The following LPP variants were observed in gnomAD, a reference collection of about 807,000 sequenced individuals.
LPP encodes the protein lipoma-preferred partner.
In LPP, 38 loss-of-function variants were observed where a neutral mutation model predicts 60.4. That is an observed-to-expected ratio of 0.63 (90% CI 0.49 to 0.83). LPP has a LOEUF of 0.83. LPP is among the 40% of genes least tolerant of loss of function. The probability of loss-of-function intolerance (pLI) is 0.00; values close to 1 mark genes in which losing one functional copy is unlikely to be tolerated. For missense variants in LPP, 902 were observed against 783.6 expected (o/e 1.15, Z -1.80); for synonymous variants, 328 against 290.8 (o/e 1.13, Z -1.30).
In LPP at chr3:188,817,185, G is replaced by A. The variant is rs149328172; in HGVS notation, c.1411-49015G>A. ...TCCTATCATCTCTTCATGATATCTT[G>A]TAAAAATGCCCTGTGTTGAGAGCAC... On this transcript the variant is annotated intron_variant, in intron 9 of 11. Coordinates refer to ENST00000617246, the MANE Select transcript of LPP (RefSeq NM_001375462.1). 2.4e-3 allele frequency among the ~76,000 whole-genome samples: 362 copies of A among 152,290 alleles called. 1 individual carries two copies. The highest frequency in any genetic ancestry group is 4.1e-3 in the Non-Finnish European group (282 of 68,018).
At chr3:188,808,074 G>T (rs11927644) in intron 9 of LPP, among the ~76,000 whole-genome samples, 2,855 of 152,062 alleles carry the variant, frequency 0.019, 84 homozygotes, top group African/African-American at 0.064. Flanking sequence ...TGAATTTTTT[G>T]TTGTTGTTGT....
intron 4 of LPP, among the ~76,000 whole-genome samples, chr3:188,482,491 G>A: frequency 6.6e-6 from 1 of 152,066 alleles, no homozygotes; most frequent in Non-Finnish European, 1.5e-5. Flanking sequence ...GCAGTCTGTG[G>A]CCAAATGAAA....
intron 6 of LPP, among the ~76,000 whole-genome samples, chr3:188,534,830 CA>C (rs1224594627): frequency 6.6e-6 from 1 of 152,164 alleles, no homozygotes; most frequent in African/African-American, 2.4e-5. Flanking sequence ...CTACATATCA[CA>C]ATTTTTCATG....
chr3:188,425,986 T>G (rs1265815634), intron 4 of LPP, among the ~76,000 whole-genome samples: 1 of 152,214 alleles, frequency 6.6e-6, no homozygotes, highest in Non-Finnish European at 1.5e-5. Context: ...TTTCTTGTCT[T>G]CTGCTAGCTT....
intron 7 of LPP, among the ~76,000 whole-genome samples, chr3:188,702,660 C>T (rs939278079): frequency 9.9e-5 from 15 of 152,126 alleles, no homozygotes; most frequent in African/African-American, 3.1e-4. Context: ...GATCATATAA[C>T]GTTAACTTGC....
intron 5 of LPP, among the ~76,000 whole-genome samples, chr3:188,504,455 T>C (rs893931701): frequency 2.0e-5 from 3 of 152,186 alleles, no homozygotes; most frequent in Non-Finnish European, 4.4e-5. Flanking sequence ...TTTATATTTT[T>C]GTTTTGAATA....
rs141159911 is a variant in LPP, at chr3:188,610,372, C to T, written c.1113+528C>T. ...AACTCCCGCAATGTTGGTACCACAG[C>T]GGTTGCTGGGCCAGAACAAGTGGCC... On this transcript the variant is annotated intron_variant, in intron 7 of 11. Coordinates refer to ENST00000617246, the MANE Select transcript of LPP (RefSeq NM_001375462.1). The surrounding 1 kb of genome is among the most constrained non-coding windows in gnomAD (Gnocchi z 4.4). Among the ~76,000 whole-genome samples the T allele has an allele frequency of 1.1e-3, 172 of 152,262 alleles. No homozygotes were observed. The highest frequency in any genetic ancestry group is 3.8e-3 in the African/African-American group (158 of 41,566).
chr3:188,375,534 C>A (rs534926107), intron 3 of LPP, among the ~76,000 whole-genome samples: 1 of 152,248 alleles, frequency 6.6e-6, no homozygotes, highest in Admixed American at 6.5e-5. Flanking sequence ...GTTTGTATTT[C>A]TGTGGGATTG....
intron 7 of LPP, among the ~76,000 whole-genome samples, chr3:188,665,444 CCTTCTT>C (rs1396323393): frequency 4.7e-5 from 6 of 126,348 alleles, no homozygotes; most frequent in Middle Eastern, 4.2e-3. Context: ...CAAACATATT[CCTTCTT>C]CTTCTTCTTC....
intron 7 of LPP, among the ~76,000 whole-genome samples, chr3:188,643,815 T>G (rs770506619): frequency 6.6e-5 from 10 of 152,154 alleles, no homozygotes; most frequent in Non-Finnish European, 1.0e-4. Flanking sequence ...TTTTCTTGAG[T>G]AACCTGAAGT....
chr3:188,377,249 G>T (rs1482809949), intron 3 of LPP, among the ~76,000 whole-genome samples: 2 of 152,104 alleles, frequency 1.3e-5, no homozygotes. Flanking sequence ...TTGAATGTTG[G>T]CCTGCCTTGC....
chr3:188,523,637 A>C (rs1819630079), intron 5 of LPP, among the ~76,000 whole-genome samples: 3 of 152,102 alleles, frequency 2.0e-5, no homozygotes, highest in African/African-American at 7.2e-5. Flanking sequence ...TGGTTGGTTA[A>C]TGCTTTTTCT....
intron 2 of LPP, among the ~76,000 whole-genome samples, chr3:188,279,901 C>T (rs1560193871): frequency 1.3e-5 from 2 of 152,172 alleles, no homozygotes; most frequent in Non-Finnish European, 2.9e-5. Context: ...CACCTGGTGA[C>T]CGAATCATTT....
At chr3:188,436,746 T>G (rs946075783) in intron 4 of LPP, among the ~76,000 whole-genome samples, 1 of 152,136 alleles carries the variant, frequency 6.6e-6, no homozygotes, top group African/African-American at 2.4e-5. Context: ...GTATGAATTT[T>G]GAAAAAGAAT....
chr3:188,468,886 C>A (rs2149502119), intron 4 of LPP, among the ~76,000 whole-genome samples: 1 of 152,252 alleles, frequency 6.6e-6, no homozygotes, highest in East Asian at 1.9e-4. Flanking sequence ...GAGGAGGGAA[C>A]AAGTTCCTCA....
At chr3:188,688,286 A>G (rs999960182) in intron 7 of LPP, among the ~76,000 whole-genome samples, 6 of 152,228 alleles carry the variant, frequency 3.9e-5, no homozygotes, top group East Asian at 3.9e-4. Context: ...TCCCTATGCA[A>G]TGTCATCTAG....
chr3:188,257,381 G>A (rs1331506213), intron 2 of LPP, among the ~76,000 whole-genome samples: 1 of 152,110 alleles, frequency 6.6e-6, no homozygotes, highest in East Asian at 1.9e-4. Flanking sequence ...TACCTCCTGA[G>A]GCCACCTTTC....
intron 8 of LPP, among the ~76,000 whole-genome samples, chr3:188,746,072 C>CT (rs750751716): frequency 6.6e-6 from 1 of 152,080 alleles, no homozygotes; most frequent in African/African-American, 2.4e-5. Flanking sequence ...CTTCTCTTTT[C>CT]TTTAAGAGAC....
At chr3:188,523,105 C>T (rs530947074) in intron 5 of LPP, among the ~76,000 whole-genome samples, 142 of 152,092 alleles carry the variant, frequency 9.3e-4, no homozygotes, top group African/African-American at 3.3e-3. Context: ...ACGGGTTTCA[C>T]CATGTTGGCC....
Sources: gnomAD v4.1 joint callset for allele counts (sites outside exome capture counted in the v4.1 genomes callset) on GRCh38, gnomAD v4.1.1 for gene constraint, Gnocchi (gnomAD v3.1) non-coding constraint, MANE v1.5 for transcripts, NCBI Gene and HGNC (gene_info 2026-07-23, HGNC 2026-07-21) for gene names.